SBNO2: variants seen among roughly 807,000 people sequenced by gnomAD.
SBNO2 encodes strawberry notch homolog 2.
A neutral mutation model predicts 146.3 loss-of-function variants in SBNO2; 89 were observed. The observed-to-expected ratio is 0.61, with a 90% CI of 0.51 to 0.73. The LOEUF (loss-of-function observed/expected upper bound fraction) is 0.73. Ranked by LOEUF, SBNO2 falls within the 30% of genes least tolerant of loss-of-function variation. The pLI, the probability that SBNO2 is intolerant of heterozygous loss-of-function variation, is 0.00. For synonymous variants in SBNO2, 1,147 were observed against 892.6 expected (o/e 1.29, Z -5.08); for missense variants, 2,092 against 2,003.7 (o/e 1.04, Z -0.84).
chr19:1,155,658 C>T (rs901509786), intron 1 of SBNO2, among the ~76,000 whole-genome samples: 5 of 152,214 alleles, frequency 3.3e-5, no homozygotes, highest in African/African-American at 1.2e-4. Flanking sequence ...ACCTCAGACA[C>T]CCAAGCTCCT....
chr19:1,164,091 T>C (rs2080377478), intron 1 of SBNO2, among the ~76,000 whole-genome samples: 1 of 152,178 alleles, frequency 6.6e-6, no homozygotes, highest in African/African-American at 2.4e-5. Flanking sequence ...ACGGCCCCTC[T>C]CCTGGGAGGG....
rs950943253 is a variant in SBNO2 at position 1,154,382 on chromosome 19, C to T, written c.-106G>A. The T allele has an allele frequency of 1.4e-5, 7 of 508,256 alleles. No homozygotes were observed. The highest frequency in any genetic ancestry group is 2.0e-4 in the South Asian group (2 of 10,200). The allele number at this position is 508,256 out of a possible 1,614,324, so 31.5% of individuals were successfully genotyped here. On this transcript the variant is annotated 5_prime_UTR_variant, in exon 2 of 32. Transcript: ENST00000361757. ...TGGGCTTCTCGCTCCGTGGTGGCGG[C>T]GGTGGCGGCAGCATCATGATCTGCA... is the stretch of plus-strand genomic sequence containing the variant.
chr19:1,142,404 G>C (rs2080149780), intron 4 of SBNO2, among the ~76,000 whole-genome samples: 1 of 152,160 alleles, frequency 6.6e-6, no homozygotes, highest in Non-Finnish European at 1.5e-5. Context: ...TTCTCCTATT[G>C]CTCTGGCTGC....
Position 1,167,810 on chromosome 19 carries a change from G to A in SBNO2, c.-127+6362C>T, listed in dbSNP as rs566738954. Among the ~76,000 whole-genome samples, 9 of 152,306 alleles carry A rather than the reference G, an allele frequency of 5.9e-5. No homozygotes were observed. In the South Asian group the frequency reaches 6.2e-4, roughly 11 times the overall value. On this transcript the variant is annotated intron_variant, in intron 1 of 31. Transcript: ENST00000361757. Reference sequence around the variant, plus strand: ...AGGTCTCAGCCTGCGGTCAGGCCGCGTGCACGGAAACCCAGGCTCCTGAAC... The same window carrying A: ...AGGTCTCAGCCTGCGGTCAGGCCGCATGCACGGAAACCCAGGCTCCTGAAC...
At chr19:1,154,030 G>A (rs1429463741) in intron 2 of SBNO2, among the ~76,000 whole-genome samples, 154 bp downstream of exon 2, 1 of 152,212 alleles carries the variant, frequency 6.6e-6, no homozygotes, top group Non-Finnish European at 1.5e-5. Context: ...GCCCACGGGG[G>A]CGGGTGGAGC....
chr19:1,112,774 T>C lies in SBNO2; in HGVS notation c.2379+44A>G, dbSNP rs975451109. On this transcript the variant is annotated intron_variant, in intron 20 of 31. Transcript: ENST00000361757. The surrounding 1 kb of genome is among the most constrained non-coding windows in gnomAD (Gnocchi z 5.9). ...GGGGACCCTTGGGCCCCTCTGTGCC[T>C]CTTGGGTCCCGTGGGCCGCGCCCAG... The C allele has an allele frequency of 9.2e-6, 14 of 1,527,350 alleles. No homozygotes were observed. The highest frequency in any genetic ancestry group is 1.2e-5 in the Non-Finnish European group (14 of 1,135,352). 94.6% of individuals were successfully genotyped at this position (1,527,350 alleles called of 1,614,324 possible).
At chr19:1,142,313 C>T (rs764138247) in intron 4 of SBNO2, among the ~76,000 whole-genome samples, 2 of 151,166 alleles carry the variant, frequency 1.3e-5, no homozygotes, top group Admixed American at 6.6e-5. Context: ...CTCCCCAGGC[C>T]GTGAAGGCTC....
At chr19:1,131,957 A>T in intron 4 of SBNO2, 2 of 546,904 alleles carry the variant, frequency 3.7e-6, no homozygotes, top group South Asian at 2.8e-5. Flanking sequence ...GGATTTTTTT[A>T]GATCCTGGCG....
intron 4 of SBNO2, among the ~76,000 whole-genome samples, chr19:1,128,842 C>T (rs1250062732): frequency 6.6e-6 from 1 of 151,990 alleles, no homozygotes; most frequent in Admixed American, 6.6e-5. Flanking sequence ...GTGGTGCATG[C>T]CCGTAGTCCC....
At chr19:1,164,083 G>A (rs1010003167) in intron 1 of SBNO2, among the ~76,000 whole-genome samples, 2 of 152,234 alleles carry the variant, frequency 1.3e-5, no homozygotes, top group African/African-American at 4.8e-5. Flanking sequence ...CGGCCATCAC[G>A]GCCCCTCTCC....
In SBNO2 at chr19:1,131,227, G is replaced by A. The variant is rs72975591; in HGVS notation, c.280-3462C>T. Reference sequence around the variant, plus strand: ...ACCCACCCTCCAGCCTCAGCTCAGCGGACCCAGTGCCTCCCCAGGGAACCG... The same window carrying A: ...ACCCACCCTCCAGCCTCAGCTCAGCAGACCCAGTGCCTCCCCAGGGAACCG... On this transcript the variant is annotated intron_variant, in intron 4 of 31. Coordinates refer to ENST00000361757, the MANE Select transcript of SBNO2 (RefSeq NM_014963.3). Among the ~76,000 whole-genome samples, 1,118 of 152,210 alleles carry A rather than the reference G, an allele frequency of 7.3e-3. 6 individuals are homozygous for A. The highest frequency in any genetic ancestry group is 8.9e-3 in the Non-Finnish European group (608 of 67,998).
chr19:1,119,699 C>A, intron 12 of SBNO2, 78 bp from the exon 13 acceptor site: 1 of 1,322,212 alleles, frequency 7.6e-7, no homozygotes, highest in South Asian at 1.3e-5. Context: ...AAGTTGGGAC[C>A]ACCCGACGAG....
intron 4 of SBNO2, among the ~76,000 whole-genome samples, chr19:1,133,965 G>T (rs1443363878): frequency 1.3e-5 from 2 of 152,202 alleles, no homozygotes; most frequent in African/African-American, 2.4e-5. Context: ...CCATCAGGAG[G>T]ACCCACAGCT....
At chr19:1,120,437 G>A (rs959232572) in intron 11 of SBNO2, among the ~76,000 whole-genome samples, 10 of 152,220 alleles carry the variant, frequency 6.6e-5, no homozygotes, top group Non-Finnish European at 1.3e-4. Context: ...TACAATGTCA[G>A]CTCACTGCAA....
Position 1,114,318 on chromosome 19 carries a change from C to A in SBNO2, c.1990G>T (p.Asp664Tyr). The A allele has an allele frequency of 6.4e-7, 1 of 1,556,660 alleles. No homozygotes were observed. The highest frequency in any genetic ancestry group is 8.7e-7 in the Non-Finnish European group (1 of 1,150,272). ...TCGGGGGAGGAGTTGAAGTCGCTGT[C>A]CAGGCCAGGGTCCGACTCCGTGCTG... Reference protein sequence around the residue: ...DSSTESDPGLDSDFNSSPESL... With the variant: ...DSSTESDPGLYSDFNSSPESL... The change falls in exon 18 of 32, where the codon GAC (aspartate) becomes TAC (tyrosine). Residue 664 changes from aspartate (D) to tyrosine (Y), a missense_variant. By Grantham distance (160) the Asp-to-Tyr change is radical (BLOSUM62 -3). Coordinates refer to ENST00000361757, the MANE Select transcript of SBNO2 (RefSeq NM_014963.3).
chr19:1,122,302 G>A lies in SBNO2; in HGVS notation c.1006-20C>T. The A allele has an allele frequency of 6.5e-7, 1 of 1,546,320 alleles. No individual in the cohort carries two copies. Among genetic ancestry groups the A allele is most frequent in the Non-Finnish European group, 8.7e-7 (1 of 1,142,964 alleles). ...CTTGATCTGGGGATGCACAGAACAG[G>A]TGTGGAATGGGGCCCCGGCTCAGCA... On this transcript the variant is annotated intron_variant, in intron 10 of 31. Coordinates refer to ENST00000361757, the MANE Select transcript of SBNO2 (RefSeq NM_014963.3).
At chr19:1,142,242 C>T (rs377729712) in intron 4 of SBNO2, among the ~76,000 whole-genome samples, 3 of 1,986 alleles carry the variant, frequency 1.5e-3, no homozygotes, top group East Asian at 0.019. Context: ...ACCTCCCTCA[C>T]GATCAACCCT....
Position 1,113,693 on chromosome 19 carries a change from G to A in SBNO2, c.2089C>T (p.Leu697Phe), listed in dbSNP as rs936729787. ...GGGCCATGCGGGTCTCTCTGCAGGA[G>A]GCACAGGGGTCCTAGGGAGGAGGTG... ...LPSDDRGPLCLLQRDPHGPGV... is the reference protein window; with the variant it reads ...LPSDDRGPLCFLQRDPHGPGV... The change falls in exon 19 of 32, where the codon CTC becomes TTC. Residue 697 changes from leucine (L) to phenylalanine (F), a missense_variant. Coordinates refer to ENST00000361757, the MANE Select transcript of SBNO2 (RefSeq NM_014963.3). 1.3e-5 allele frequency: 21 copies of A among 1,577,696 alleles called. No individual in the cohort carries two copies. The highest frequency in any genetic ancestry group is 1.8e-5 in the Non-Finnish European group (21 of 1,163,196).
At chr19:1,117,281 A>G in intron 15 of SBNO2, 42 bp downstream of exon 15, 2 of 1,525,298 alleles carry the variant, frequency 1.3e-6, no homozygotes, top group Non-Finnish European at 1.8e-6. Flanking sequence ...CCGCCCCTGC[A>G]GGCCCGGCCG....
Sources: gnomAD v4.1 joint callset for allele counts (sites outside exome capture counted in the v4.1 genomes callset) on GRCh38, gnomAD v4.1.1 for gene constraint, Gnocchi (gnomAD v3.1) non-coding constraint, MANE v1.5 for transcripts, NCBI Gene and HGNC (gene_info 2026-07-23, HGNC 2026-07-21) for gene names.